The following ADAMTS19 variants were observed in gnomAD, a reference collection of about 807,000 sequenced individuals.
ADAMTS19 encodes the protein ADAM metallopeptidase with thrombospondin type 1 motif 19.
ADAMTS19 carries 93 observed loss-of-function variants against 153.3 expected under a neutral mutation model. That is an observed-to-expected ratio of 0.61 (90% CI 0.51 to 0.72). The LOEUF is 0.72. ADAMTS19 is among the 30% of genes least tolerant of loss of function. The pLI is 0.00. For synonymous variants in ADAMTS19, 600 were observed against 556.6 expected, an observed-to-expected ratio of 1.08 and a Z score of -1.10; for missense variants, 1,482 against 1,552.1, an observed-to-expected ratio of 0.95 and a Z score of 0.76.
chr5:129,717,976 C>G (rs912327285), intron 21 of ADAMTS19, among the ~76,000 whole-genome samples: 1 of 152,068 alleles, frequency 6.6e-6, no homozygotes, highest in African/African-American at 2.4e-5. Context: ...AAAAAGTTCT[C>G]TCTGGTGGGA....
rs1751809207 is a variant in ADAMTS19, at chr5:129,622,240, T to G, written c.1662T>G (p.Ser554Arg). Residue 554 changes from serine to arginine, a missense_variant, in exon 10 of 23, where the codon AGT becomes AGG. By Grantham distance (110) the Ser-to-Arg change is moderately radical. Transcript: ENST00000274487. ...GCTTGCTACAAACAAATCCGCAGAG[T>G]GTCAATTCTGTGATGGTTCCCTCCA... Reference protein sequence around the residue: ...SNCLLQTNPQSVNSVMVPSKL... With the variant: ...SNCLLQTNPQRVNSVMVPSKL... 1.2e-6 allele frequency: 2 copies of G among 1,613,940 alleles called. No homozygotes were observed. Among genetic ancestry groups the G allele is most frequent in the Non-Finnish European group, 1.7e-6 (2 of 1,179,952 alleles).
intron 16 of ADAMTS19, among the ~76,000 whole-genome samples, chr5:129,670,559 A>G (rs1754257631): frequency 6.6e-6 from 1 of 152,160 alleles, no homozygotes; most frequent in South Asian, 2.1e-4. Context: ...TGGGGATAGC[A>G]TCTGGGTTCT....
chr5:129,679,366 G>C (rs1286282256), intron 16 of ADAMTS19, among the ~76,000 whole-genome samples: 1 of 152,176 alleles, frequency 6.6e-6, no homozygotes, highest in Non-Finnish European at 1.5e-5. Flanking sequence ...GCATAGGAGA[G>C]ACAGAGCATG....
At chr5:129,595,920 T>G (rs1357466414) in intron 7 of ADAMTS19, among the ~76,000 whole-genome samples, 1 of 151,990 alleles carries the variant, frequency 6.6e-6, no homozygotes, top group Non-Finnish European at 1.5e-5. Flanking sequence ...TACTGATAAT[T>G]TATACCAAAA....
chr5:129,702,941 A>AAAAAAAT, intron 20 of ADAMTS19, among the ~76,000 whole-genome samples: 14 of 29,314 alleles, frequency 4.8e-4, no homozygotes, highest in African/African-American at 1.1e-3. Flanking sequence ...AAAAAAAAAA[A>AAAAAAAT]ATATATATAT....
chr5:129,480,933 G>A (rs1427015627), intron 2 of ADAMTS19, among the ~76,000 whole-genome samples: 1 of 152,008 alleles, frequency 6.6e-6, no homozygotes, highest in Non-Finnish European at 1.5e-5. Flanking sequence ...AAGTAATGAG[G>A]AAAAATAATT....
chr5:129,715,608 T>A (rs77350861), intron 21 of ADAMTS19, among the ~76,000 whole-genome samples: 6 of 152,144 alleles, frequency 3.9e-5, no homozygotes, highest in Non-Finnish European at 7.4e-5. Context: ...TTATCTGTAG[T>A]GGGAGGTAAG....
intron 16 of ADAMTS19, among the ~76,000 whole-genome samples, chr5:129,677,793 C>T (rs1010991376): frequency 9.2e-5 from 14 of 152,026 alleles, no homozygotes; most frequent in African/African-American, 3.4e-4. Context: ...GAATATTTTT[C>T]GAAATACTTT....
At chr5:129,501,600 A>G (rs1751110413) in intron 2 of ADAMTS19, among the ~76,000 whole-genome samples, 2 of 152,144 alleles carry the variant, frequency 1.3e-5, no homozygotes, top group African/African-American at 4.8e-5. Flanking sequence ...TCACAAAGGC[A>G]GTATGTGCTT....
chr5:129,495,193 A>C (rs1329936283), intron 2 of ADAMTS19, among the ~76,000 whole-genome samples: 1 of 152,092 alleles, frequency 6.6e-6, no homozygotes, highest in African/African-American at 2.4e-5. Context: ...AAAGACAATA[A>C]ATTAAAACAC....
At chr5:129,525,445 C>T (rs955036703) in intron 3 of ADAMTS19, among the ~76,000 whole-genome samples, 2 of 151,926 alleles carry the variant, frequency 1.3e-5, no homozygotes, top group African/African-American at 4.8e-5. Context: ...ATTTAGATAT[C>T]CTATTGTGAG....
intron 19 of ADAMTS19, among the ~76,000 whole-genome samples, chr5:129,699,899 G>A (rs1755749713): frequency 6.6e-6 from 1 of 152,088 alleles, no homozygotes. Context: ...TGTATATCAG[G>A]AAATAATAAT....
At chr5:129,569,186 C>G (rs900928799) in intron 7 of ADAMTS19, among the ~76,000 whole-genome samples, 3 of 151,952 alleles carry the variant, frequency 2.0e-5, no homozygotes, top group Non-Finnish European at 4.4e-5. Context: ...CCTCAAGTGA[C>G]TATTTATATC....
At chr5:129,506,371 A>T (rs770771013) in intron 2 of ADAMTS19, among the ~76,000 whole-genome samples, 7 of 152,116 alleles carry the variant, frequency 4.6e-5, no homozygotes, top group Non-Finnish European at 8.8e-5. Context: ...GTCACCACTT[A>T]TAATTATTCC....
Position 129,576,938 on chromosome 5 carries a change from A to C in ADAMTS19, c.1373-19621A>C, listed in dbSNP as rs560461325. On this transcript the variant is annotated intron_variant, in intron 7 of 22. Transcript: ENST00000274487. ...CTGCTGAGCTTCAGGCACATCATCCATAGGTTCCCTGTGTTAAACTGCCCA... is the reference window on the plus strand; with the variant it reads ...CTGCTGAGCTTCAGGCACATCATCCCTAGGTTCCCTGTGTTAAACTGCCCA... 2.0e-5 allele frequency among the ~76,000 whole-genome samples: 3 copies of C among 152,220 alleles called. No homozygotes were observed. In the East Asian group the frequency reaches 5.8e-4, roughly 29 times the overall value.
intron 8 of ADAMTS19, among the ~76,000 whole-genome samples, chr5:129,599,803 G>A (rs749888720): frequency 6.6e-6 from 1 of 152,094 alleles, no homozygotes; most frequent in Non-Finnish European, 1.5e-5. Context: ...GACTTTTATA[G>A]AGCTGTACCC....
chr5:129,644,877 TA>T (rs1295491859), intron 11 of ADAMTS19, among the ~76,000 whole-genome samples: 2 of 152,178 alleles, frequency 1.3e-5, no homozygotes, highest in African/African-American at 4.8e-5. Flanking sequence ...ATCTTGAAAT[TA>T]CCATCATAAT....
Position 129,580,167 on chromosome 5 carries a change from T to C in ADAMTS19, c.1373-16392T>C, listed in dbSNP as rs183225736. On this transcript the variant is annotated intron_variant, in intron 7 of 22. Transcript: ENST00000274487. ...GGTCCTTCACATCCCCTGTAAGTTG[T>C]ATTCCTAGGTATTTTATTATCTTTG... 3.8e-4 allele frequency among the ~76,000 whole-genome samples: 58 copies of C among 152,274 alleles called. No individual in the cohort carries two copies. In the East Asian group the frequency reaches 0.01, roughly 27 times the overall value.
chr5:129,483,345 G>A (rs1327495765), intron 2 of ADAMTS19, among the ~76,000 whole-genome samples: 1 of 152,162 alleles, frequency 6.6e-6, no homozygotes. Context: ...ATGGTTATAG[G>A]TGAGATTAAA....
Sources: gnomAD v4.1 joint callset for allele counts (sites outside exome capture counted in the v4.1 genomes callset) on GRCh38, gnomAD v4.1.1 for gene constraint, MANE v1.5 for transcripts, NCBI Gene and HGNC (gene_info 2026-07-23, HGNC 2026-07-21) for gene names.